LARGE1: variants seen among roughly 807,000 people sequenced by gnomAD.
The protein encoded by LARGE1 is LARGE xylosyl- and glucuronyltransferase 1.
A neutral mutation model predicts 87.6 loss-of-function variants in LARGE1; 43 were observed. The observed-to-expected ratio is 0.49, with a 90% confidence interval of 0.38 to 0.63. The LOEUF is 0.63. LARGE1 is among the 30% of genes least tolerant of loss of function. LARGE1 has a pLI of 0.00. For missense variants in LARGE1, 802 were observed against 1,000.2 expected (o/e 0.80, Z 2.67); for synonymous variants, 434 against 394.6 (o/e 1.10, Z -1.18).
chr22:33,169,655 T>C (rs1880223863), intron 11 of LARGE1, among the ~76,000 whole-genome samples: 1 of 151,746 alleles, frequency 6.6e-6, no homozygotes. Flanking sequence ...ATTGAGATCA[T>C]ACTGGCTAAC....
At chr22:33,285,202 G>A (rs1361416147) in intron 12 of LARGE1, among the ~76,000 whole-genome samples, 2 of 152,124 alleles carry the variant, frequency 1.3e-5, no homozygotes, top group Non-Finnish European at 2.9e-5. Flanking sequence ...TGACCTTTGG[G>A]TCTCAGGGTC....
At chr22:33,408,311 T>A (rs2147400375) in intron 7 of LARGE1, among the ~76,000 whole-genome samples, 1 of 151,962 alleles carries the variant, frequency 6.6e-6, no homozygotes, top group East Asian at 1.9e-4. Flanking sequence ...AAGGAAAAAA[T>A]AAGGAGGAGT....
intron 1 of LARGE1, among the ~76,000 whole-genome samples, chr22:33,896,555 T>C (rs1601871163): frequency 6.6e-6 from 1 of 152,162 alleles, no homozygotes; most frequent in East Asian, 1.9e-4. Flanking sequence ...GACAGAGGCA[T>C]AGGAAAGTAA....
At chr22:33,123,685 G>A in the LARGE1 span, among the ~76,000 whole-genome samples, 1 of 152,152 alleles carries the variant, frequency 6.6e-6, no homozygotes, top group South Asian at 2.1e-4. Flanking sequence ...GGCAGAGAGG[G>A]GCTAAACAGA....
chr22:33,513,943 C>G (rs942687258), intron 6 of LARGE1, among the ~76,000 whole-genome samples: 1 of 151,936 alleles, frequency 6.6e-6, no homozygotes, highest in African/African-American at 2.4e-5. Context: ...TGTCCCTTTT[C>G]TATGTTGAGA....
At chr22:33,611,535 T>C (rs775091931) in intron 4 of LARGE1, among the ~76,000 whole-genome samples, 5 of 152,212 alleles carry the variant, frequency 3.3e-5, no homozygotes, top group African/African-American at 7.2e-5. Flanking sequence ...TGTACCACCA[T>C]TGCATCTTGG....
chr22:33,351,064 T>C (rs1041200037), intron 9 of LARGE1, among the ~76,000 whole-genome samples: 3 of 152,254 alleles, frequency 2.0e-5, no homozygotes, highest in East Asian at 3.8e-4. Context: ...TGATCATTTG[T>C]TTTCTTGTGT....
chr22:33,544,694 C>CAACA (rs1555952160), intron 6 of LARGE1, among the ~76,000 whole-genome samples: 42,144 of 136,566 alleles, frequency 0.31, 7,159 homozygotes, highest in Admixed American at 0.39. Flanking sequence ...AAACAACAAC[C>CAACA]ACAACAACAA....
chr22:33,791,199 G>T (rs753642974), intron 1 of LARGE1, among the ~76,000 whole-genome samples: 7 of 152,182 alleles, frequency 4.6e-5, no homozygotes, highest in Non-Finnish European at 8.8e-5. Flanking sequence ...ACACTGGAAA[G>T]GCTGTAGCCA....
intron 11 of LARGE1, among the ~76,000 whole-genome samples, chr22:33,236,686 A>G (rs1926266636): frequency 6.6e-6 from 1 of 152,214 alleles, no homozygotes. Context: ...TCAAGGAATC[A>G]TAATTAATCA....
the LARGE1 span, among the ~76,000 whole-genome samples, chr22:33,111,676 T>A: frequency 1.1e-4 from 16 of 152,328 alleles, no homozygotes; most frequent in Admixed American, 6.5e-4. Context: ...GAGAGACATA[T>A]GCATTTGCAT....
intron 1 of LARGE1, among the ~76,000 whole-genome samples, chr22:33,785,166 TATAC>T (rs1191972985): frequency 4.0e-5 from 6 of 150,120 alleles, no homozygotes; most frequent in Admixed American, 6.6e-5. Context: ...CATATATGTG[TATAC>T]ATACATATGT....
intron 2 of LARGE1, chr22:33,744,404 C>A (rs1310941394): frequency 2.0e-5 from 3 of 152,234 alleles, no homozygotes; most frequent in Non-Finnish European, 4.4e-5. Flanking sequence ...CCTACTATCC[C>A]CACTCCCAGG....
intron 1 of LARGE1, among the ~76,000 whole-genome samples, chr22:33,806,640 C>A (rs1037846211): frequency 6.6e-6 from 1 of 152,158 alleles, no homozygotes; most frequent in Non-Finnish European, 1.5e-5. Context: ...GTGTCCAGGG[C>A]TTAGAAGGCT....
intron 2 of LARGE1, among the ~76,000 whole-genome samples, chr22:33,716,248 GC>G (rs571780779): frequency 6.6e-4 from 100 of 152,176 alleles, no homozygotes; most frequent in African/African-American, 2.3e-3. Context: ...ATAAACATAT[GC>G]CCTGCAATAT....
chr22:33,772,168 C>T (rs1010907416), intron 1 of LARGE1, among the ~76,000 whole-genome samples: 3 of 152,110 alleles, frequency 2.0e-5, no homozygotes, highest in East Asian at 1.9e-4. Context: ...CCCGTCTCTA[C>T]TAAAAATACA....
chr22:33,850,564 TGACA>T (rs1187199316), intron 1 of LARGE1, among the ~76,000 whole-genome samples: 3 of 152,196 alleles, frequency 2.0e-5, no homozygotes, highest in East Asian at 1.9e-4. Context: ...ACCTAATAAA[TGACA>T]GACAGTCGTA....
intron 6 of LARGE1, among the ~76,000 whole-genome samples, chr22:33,515,212 A>C (rs5994764): frequency 0.017 from 2,565 of 152,172 alleles, 71 homozygotes; most frequent in African/African-American, 0.056. Context: ...CCAAAGCCAC[A>C]CTTGTTGGTG....
chr22:33,683,276 G>A (rs572151240), intron 2 of LARGE1, among the ~76,000 whole-genome samples: 33 of 152,318 alleles, frequency 2.2e-4, no homozygotes, highest in African/African-American at 7.7e-4. Flanking sequence ...GATCTGAGTA[G>A]AATAAAAAGG....
Sources: gnomAD v4.1 joint callset for allele counts (sites outside exome capture counted in the v4.1 genomes callset) on GRCh38, gnomAD v4.1.1 for gene constraint, MANE v1.5 for transcripts, NCBI Gene and HGNC (gene_info 2026-07-23, HGNC 2026-07-21) for gene names.